Variants in TMEM164 observed in about 807,000 individuals in gnomAD.
TMEM164 encodes RP13-360B22.2.
A neutral mutation model predicts 18.8 loss-of-function variants in TMEM164; 4 were observed. The observed-to-expected ratio is 0.21, with a 90% CI of 0.10 to 0.49. TMEM164 has a LOEUF of 0.49. TMEM164 is among the 20% of genes least tolerant of loss of function. TMEM164 has a pLI of 0.98. For synonymous variants in TMEM164, 86 were observed against 101.7 expected (o/e 0.85, Z 0.93); for missense variants, 108 against 239.9 (o/e 0.45, Z 3.63).
chrX:110,070,219 G>C (rs1238899366), intron 3 of TMEM164, among the ~76,000 whole-genome samples: 2 of 111,398 alleles, frequency 1.8e-5, no homozygotes, highest in Non-Finnish European at 3.8e-5. Flanking sequence ...AGGAAGCTGA[G>C]GCAGGAGAAT....
intron 2 of TMEM164, among the ~76,000 whole-genome samples, chrX:110,040,378 A>G (rs1210199895): frequency 1.8e-5 from 2 of 111,612 alleles, no homozygotes; most frequent in Non-Finnish European, 3.8e-5. Context: ...ACGACTGGGT[A>G]TGTTCCTTTT....
At chrX:110,137,879 A>G (rs2066713151) in intron 4 of TMEM164, among the ~76,000 whole-genome samples, 1 of 112,334 alleles carries the variant, frequency 8.9e-6, no homozygotes, top group Non-Finnish European at 1.9e-5. Flanking sequence ...GGGTAAGAAC[A>G]GGAGAGTGGA....
At chrX:110,122,445 G>T in intron 4 of TMEM164, among the ~76,000 whole-genome samples, 1 of 85,110 alleles carries the variant, frequency 1.2e-5, no homozygotes, top group African/African-American at 4.3e-5. Flanking sequence ...GGAGGGGGGA[G>T]GGATAGCTTT....
At chrX:110,094,664 T>C (rs2065985209) in intron 3 of TMEM164, among the ~76,000 whole-genome samples, 1 of 111,841 alleles carries the variant, frequency 8.9e-6, no homozygotes, top group Non-Finnish European at 1.9e-5. Context: ...AATTGGAGCA[T>C]TTGGCCCATT....
intron 5 of TMEM164, among the ~76,000 whole-genome samples, chrX:110,146,901 G>A (rs967387359): frequency 2.7e-5 from 3 of 112,524 alleles, no homozygotes; most frequent in Non-Finnish European, 5.6e-5. Flanking sequence ...AAAGCCGAGA[G>A]TCTGGGGCTT....
intron 2 of TMEM164, among the ~76,000 whole-genome samples, chrX:110,044,106 C>A (rs1420571575): frequency 3.6e-5 from 4 of 112,331 alleles, no homozygotes; most frequent in African/African-American, 9.7e-5. Context: ...TTTCTCCCCC[C>A]AGAGGCTACT....
chrX:110,107,204 A>G (rs1208335510), intron 3 of TMEM164, among the ~76,000 whole-genome samples: 2 of 111,996 alleles, frequency 1.8e-5, no homozygotes, highest in Admixed American at 1.9e-4. Flanking sequence ...AGGGAATTTT[A>G]TACAAGGCAG....
intron 2 of TMEM164, among the ~76,000 whole-genome samples, chrX:110,054,854 C>T (rs932951560): frequency 8.9e-6 from 1 of 111,897 alleles, no homozygotes; most frequent in Non-Finnish European, 1.9e-5. Flanking sequence ...GCTGATAAGT[C>T]GATTGATGAT....
chrX:110,030,024 A>G (rs941682521), intron 2 of TMEM164, among the ~76,000 whole-genome samples: 1 of 109,836 alleles, frequency 9.1e-6, no homozygotes, highest in Admixed American at 9.8e-5. Context: ...ATAGAAATAT[A>G]GAAAACAAAA....
chrX:110,014,744 C>CTTTTTTTTTTTTTTTTTTTTTTGTTTT (rs1933221988), intron 2 of TMEM164, among the ~76,000 whole-genome samples: 1 of 54,239 alleles, frequency 1.8e-5, no homozygotes, highest in African/African-American at 7.5e-5. Flanking sequence ...TTGGTTGTTT[C>CTTTTTTTTTTTTTTTTTTTTTTGTTTT]TTTTTTTTTT....
At chrX:110,061,233 A>G (rs1936108566) in intron 2 of TMEM164, among the ~76,000 whole-genome samples, 1 of 112,288 alleles carries the variant, frequency 8.9e-6, no homozygotes, top group South Asian at 3.6e-4. Flanking sequence ...CATTGTGCCA[A>G]ATGCTTTTCT....
chrX:110,097,899 T>C (rs1295388894), intron 3 of TMEM164, among the ~76,000 whole-genome samples: 2 of 112,563 alleles, frequency 1.8e-5, no homozygotes, highest in South Asian at 3.7e-4. Flanking sequence ...GCTTCTCATA[T>C]ACATTTTTGA....
At chrX:110,156,986 C>G (rs1282812498) in intron 5 of TMEM164, among the ~76,000 whole-genome samples, 2 of 111,863 alleles carry the variant, frequency 1.8e-5, no homozygotes, top group Non-Finnish European at 3.8e-5. Context: ...TATAGGCTAT[C>G]TAGGTTGAGA....
At chrX:110,079,955 A>C (rs964670789) in intron 3 of TMEM164, among the ~76,000 whole-genome samples, 1 of 110,870 alleles carries the variant, frequency 9.0e-6, no homozygotes, top group African/African-American at 3.3e-5. Flanking sequence ...CATTGTGTAC[A>C]TGTACCCTAA....
intron 2 of TMEM164, among the ~76,000 whole-genome samples, chrX:110,032,430 CTGT>C (rs767035422): frequency 5.4e-5 from 6 of 111,273 alleles, no homozygotes; most frequent in South Asian, 7.4e-4. Context: ...TCCTGTGCCT[CTGT>C]TGTTGTTGTT....
chrX:110,049,838 C>T (rs1393536964), intron 2 of TMEM164, among the ~76,000 whole-genome samples: 1 of 111,201 alleles, frequency 9.0e-6, no homozygotes, highest in Non-Finnish European at 1.9e-5. Flanking sequence ...TGACATTCCT[C>T]AGTTCTCCAT....
At chrX:110,135,573 C>T (rs943758223) in intron 4 of TMEM164, among the ~76,000 whole-genome samples, 1 of 111,878 alleles carries the variant, frequency 8.9e-6, no homozygotes, top group African/African-American at 3.2e-5. Flanking sequence ...AATTGTTCTC[C>T]AGAAATAATG....
At chrX:110,067,304 C>T (rs1169794674) in intron 2 of TMEM164, 43 bp from the exon 3 acceptor site, 2 of 1,167,117 alleles carry the variant, frequency 1.7e-6, no homozygotes, top group Non-Finnish European at 2.3e-6. Flanking sequence ...CTCTGTCTGG[C>T]ATTTTTTCTT....
At chrX:110,073,874 T>TTTG (rs764090789) in intron 3 of TMEM164, among the ~76,000 whole-genome samples, 5 of 110,721 alleles carry the variant, frequency 4.5e-5, no homozygotes, top group Admixed American at 9.7e-5. Flanking sequence ...GATATGTCAT[T>TTTG]TTGTTGTTGT....
Sources: allele counts gnomAD v4.1 joint callset (sites outside exome capture counted in the v4.1 genomes callset), GRCh38; gene constraint gnomAD v4.1.1; transcripts MANE v1.5; gene names NCBI Gene and HGNC (gene_info 2026-07-23, HGNC 2026-07-21).